Variants in PECAM1 observed in about 807,000 individuals in gnomAD.
PECAM1 encodes the protein platelet endothelial cell adhesion molecule.
In PECAM1, 8 loss-of-function variants were observed where a neutral mutation model predicts 13.8. That is an observed-to-expected ratio of 0.58 (90% CI 0.34 to 1.05). The LOEUF is 1.05. Among genes scored for constraint, PECAM1 ranks in the 50% least tolerant of loss-of-function variants. PECAM1 has a pLI of 0.03. For missense variants in PECAM1, 304 were observed against 141.2 expected (o/e 2.15, Z -5.84); for synonymous variants, 136 against 52.6 (o/e 2.58, Z -6.86).
At chr17:64,358,521 T>C (rs1203397436) in intron 7 of PECAM1, among the ~76,000 whole-genome samples, 1 of 152,208 alleles carries the variant, frequency 6.6e-6, no homozygotes, top group Non-Finnish European at 1.5e-5. Context: ...TCTCAAGCCC[T>C]GGCACCTAGC....
chr17:64,340,717 C>T (rs118194602), intron 14 of PECAM1, among the ~76,000 whole-genome samples: 1 of 151,984 alleles, frequency 6.6e-6, no homozygotes, highest in Non-Finnish European at 1.5e-5. Context: ...TGGGTCGTCA[C>T]GGGAAGCGAA....
intron 2 of PECAM1, among the ~76,000 whole-genome samples, chr17:64,389,686 TTA>T (rs1257175814): frequency 2.6e-5 from 4 of 152,146 alleles, no homozygotes; most frequent in Non-Finnish European, 5.9e-5. Flanking sequence ...AAAAAACTAA[TTA>T]TGGAATTGCT....
rs1555644789 is a variant in PECAM1, at chr17:64,323,097, C to T, written c.*719G>A. 1 of 984,226 alleles carries T rather than the reference C, an allele frequency of 1.0e-6. No homozygotes were observed. Among genetic ancestry groups the T allele is most frequent in the Non-Finnish European group, 1.2e-6 (1 of 828,816 alleles). The allele number at this position is 984,226 out of a possible 1,614,324, so 61.0% of individuals were successfully genotyped here. A position where few individuals can be genotyped will look rare whatever the true frequency, so the allele number is the denominator to read the frequency against. ...AATATTTGCTGATGGCACCATCTTC[C>T]TGTCTTTCAGCCTTCAGCATGGTAG... is the stretch of plus-strand genomic sequence containing the variant. On this transcript the variant is annotated 3_prime_UTR_variant, in exon 16 of 16. Coordinates refer to ENST00000563924, the MANE Select transcript of PECAM1 (RefSeq NM_000442.5).
At chr17:64,374,541 T>C (rs1487353015) in intron 4 of PECAM1, among the ~76,000 whole-genome samples, 3 of 151,800 alleles carry the variant, frequency 2.0e-5, no homozygotes, top group African/African-American at 7.3e-5. Flanking sequence ...CCCAGCACTA[T>C]GGGAGGCCAA....
chr17:64,346,829 C>T (rs1213381056), intron 13 of PECAM1, among the ~76,000 whole-genome samples: 3 of 152,190 alleles, frequency 2.0e-5, no homozygotes, highest in African/African-American at 7.2e-5. Flanking sequence ...ACTGCTCACA[C>T]GGACAGGGAT....
chr17:64,384,693 C>T (rs2036555603), intron 2 of PECAM1, among the ~76,000 whole-genome samples: 2 of 152,308 alleles, frequency 1.3e-5, no homozygotes, highest in South Asian at 2.1e-4. Context: ...CCCTGACCAA[C>T]AATTTATCTG....
intron 4 of PECAM1, among the ~76,000 whole-genome samples, chr17:64,373,558 G>A (rs1249425255): frequency 6.6e-6 from 1 of 151,760 alleles, no homozygotes; most frequent in Non-Finnish European, 1.5e-5. Context: ...GTGTGTGGCT[G>A]GGTGTGTATA....
chr17:64,386,272 G>T (rs981632096), intron 2 of PECAM1, among the ~76,000 whole-genome samples: 1 of 152,068 alleles, frequency 6.6e-6, no homozygotes, highest in African/African-American at 2.4e-5. Context: ...GGGCATGGTG[G>T]TTCGTGCCTG....
chr17:64,366,424 C>T (rs1407531762), intron 5 of PECAM1, among the ~76,000 whole-genome samples: 1 of 148,536 alleles, frequency 6.7e-6, no homozygotes, highest in Non-Finnish European at 1.5e-5. Context: ...GGCGATTCCT[C>T]AGGGATCTAG....
At chr17:64,331,832 G>T (rs1281404867) in intron 14 of PECAM1, among the ~76,000 whole-genome samples, 1 of 152,236 alleles carries the variant, frequency 6.6e-6, no homozygotes, top group African/African-American at 2.4e-5. Context: ...GCCTGGGGGA[G>T]ACCCCAAGAG....
At chr17:64,342,702 C>G (rs1261935096) in intron 13 of PECAM1, among the ~76,000 whole-genome samples, 1 of 152,070 alleles carries the variant, frequency 6.6e-6, no homozygotes, top group Non-Finnish European at 1.5e-5. Context: ...AGCATGATGA[C>G]TGACCCAGGG....
chr17:64,382,930 C>T (rs1404995420), intron 2 of PECAM1, among the ~76,000 whole-genome samples: 2 of 152,124 alleles, frequency 1.3e-5, no homozygotes, highest in African/African-American at 4.8e-5. Flanking sequence ...ATCCCATCTA[C>T]TCGGGAGGCT....
chr17:64,367,001 C>T (rs1196245249), intron 5 of PECAM1, among the ~76,000 whole-genome samples: 1 of 67,696 alleles, frequency 1.5e-5, no homozygotes, highest in African/African-American at 3.0e-5. Context: ...ACTGAAACTC[C>T]ATTTCAAAAA....
intron 15 of PECAM1, among the ~76,000 whole-genome samples, chr17:64,326,156 A>G (rs1172146042): frequency 6.6e-6 from 1 of 152,130 alleles, no homozygotes; most frequent in East Asian, 1.9e-4. Flanking sequence ...ACCAGAGTAG[A>G]GGGGGGCCCT....
At chr17:64,367,943 A>G (rs943703969) in intron 5 of PECAM1, among the ~76,000 whole-genome samples, 66 of 152,236 alleles carry the variant, frequency 4.3e-4, no homozygotes, top group African/African-American at 1.6e-3. Flanking sequence ...TGTATATGCC[A>G]ATATACCAGT....
At chr17:64,388,856 C>A (rs929348867) in intron 2 of PECAM1, among the ~76,000 whole-genome samples, 1 of 151,988 alleles carries the variant, frequency 6.6e-6, no homozygotes, top group Non-Finnish European at 1.5e-5. Context: ...TTAGTAGAGA[C>A]GGGGTTTCAC....
chr17:64,332,836 A>G (rs1342739285), intron 14 of PECAM1, among the ~76,000 whole-genome samples: 1 of 152,214 alleles, frequency 6.6e-6, no homozygotes, highest in African/African-American at 2.4e-5. Context: ...ACACCCTGGA[A>G]GTCTGAATTC....
At position 64,360,159 on chromosome 17, in the gene PECAM1, A is replaced by T; in HGVS notation, c.1473T>A (p.Val491=). Residue 491 remains valine, a synonymous_variant, in exon 7 of 16, where the codon GTT becomes GTA. Coordinates refer to ENST00000563924, the MANE Select transcript of PECAM1 (RefSeq NM_000442.5). ...ACTTACCTATCACCTTCACCCTCAGAACCTCACTTAACATTTTGGCATGGG... is the reference window on the plus strand; with the variant it reads ...ACTTACCTATCACCTTCACCCTCAGTACCTCACTTAACATTTTGGCATGGG... The part of the protein sequence containing the change: ...CHSHAKMLSE[V]LRVKVIAPVD... 2.1e-6 allele frequency: 1 copy of T among 475,386 alleles called. No individual in the cohort carries two copies. Among genetic ancestry groups the T allele is most frequent in the Non-Finnish European group, 3.9e-6 (1 of 259,068 alleles). The allele number at this position is 475,386 out of a possible 1,614,324, so 29.4% of individuals were successfully genotyped here.
At chr17:64,343,180 T>A (rs1175438640) in intron 13 of PECAM1, among the ~76,000 whole-genome samples, 1 of 151,944 alleles carries the variant, frequency 6.6e-6, no homozygotes, top group Non-Finnish European at 1.5e-5. Context: ...CTCCTCGGAG[T>A]GAATGGCTGG....
Sources: gnomAD v4.1 joint callset for allele counts (sites outside exome capture counted in the v4.1 genomes callset) on GRCh38, gnomAD v4.1.1 for gene constraint, MANE v1.5 for transcripts, NCBI Gene and HGNC (gene_info 2026-07-23, HGNC 2026-07-21) for gene names.